CHKB: variants seen among roughly 807,000 people sequenced by gnomAD.
The protein encoded by CHKB is choline/ethanolamine kinase.
In CHKB, 45 loss-of-function variants were observed where a neutral mutation model predicts 57.3. The observed-to-expected ratio is 0.79, with a 90% CI of 0.62 to 1.01. The LOEUF (loss-of-function observed/expected upper bound fraction) is 1.01. Ranked by LOEUF, CHKB falls within the 50% of genes least tolerant of loss-of-function variation. The probability of loss-of-function intolerance (pLI) is 0.00; values close to 1 mark genes in which losing one functional copy is unlikely to be tolerated. For missense variants in CHKB, 517 were observed against 502.8 expected (o/e 1.03, Z -0.27); for synonymous variants, 224 against 201.8 (o/e 1.11, Z -0.93).
Position 50,581,790 on chromosome 22 carries a change from A to G in CHKB, c.406T>C (p.Tyr136His). 6.2e-7 allele frequency: 1 copy of G among 1,613,926 alleles called. No individual in the cohort carries two copies. Among genetic ancestry groups the G allele is most frequent in the Non-Finnish European group, 8.5e-7 (1 of 1,179,992 alleles). Residue 136 changes from tyrosine to histidine, a missense_variant, in exon 3 of 11, where the codon TAC (tyrosine) becomes CAC (histidine). Coordinates refer to ENST00000406938, the MANE Select transcript of CHKB (RefSeq NM_005198.5). ...AGCCGGCCCTCTGGGAAGACTCCGT[A>G]CAGCTGGGGCCCCAGCGACCGCTCC... The part of the protein sequence containing the change: ...LAERSLGPQL[Y>H]GVFPEGRLEQ...
chr22:50,580,635 G>A lies in CHKB; in HGVS notation c.607C>T (p.Pro203Ser). Residue 203 changes from proline to serine, a missense_variant, in exon 5 of 11, where the codon CCC becomes TCC. Coordinates refer to ENST00000406938, the MANE Select transcript of CHKB (RefSeq NM_005198.5). Reference protein sequence around the residue: ...ERYLKQIQDLPPTGLPEMNLL... With the variant: ...ERYLKQIQDLSPTGLPEMNLL... ...TTCATCTCAGGGAGGCCAGTTGGGG[G>A]CAGGTCCTGGATCTGTTTTAGGTAC... 1.9e-6 allele frequency: 3 copies of A among 1,614,050 alleles called. No individual in the cohort carries two copies. The highest frequency in any genetic ancestry group is 2.5e-6 in the Non-Finnish European group (3 of 1,180,016).
chr22:50,581,894 G>A, intron 2 of CHKB, 32 bp from the exon 3 acceptor site: 1 of 1,590,110 alleles, frequency 6.3e-7, no homozygotes, highest in South Asian at 1.1e-5. Context: ...AGGGGCCAAG[G>A]CAAAGTGGCA....
chr22:50,579,981 T>C lies in CHKB; in HGVS notation c.920A>G (p.Glu307Gly). The stretch of plus-strand genomic sequence containing the variant: ...AGCCTCTGGCCCACATACCTGCTGT[T>C]CTTGAGTGGGGTAGTCTGTGGGCCT... Reference protein sequence around the residue: ...KARPTDYPTQEQQLHFIRHYL... With the variant: ...KARPTDYPTQGQQLHFIRHYL... Residue 307 changes from glutamate to glycine, a missense_variant, in exon 8 of 11, where the codon GAA (glutamate) becomes GGA (glycine). Coordinates refer to ENST00000406938, the MANE Select transcript of CHKB (RefSeq NM_005198.5). The C allele has an allele frequency of 1.2e-6, 2 of 1,613,982 alleles. No individual in the cohort carries two copies. The highest frequency in any genetic ancestry group is 1.7e-6 in the Non-Finnish European group (2 of 1,179,914).
At chr22:50,581,600 TG>T in intron 3 of CHKB, 47 bp from the exon 4 acceptor site, 1 of 1,607,308 alleles carries the variant, frequency 6.2e-7, no homozygotes, top group Non-Finnish European at 8.5e-7. Flanking sequence ...GGGGCAGGAG[TG>T]GGAAGGGCTG....
chr22:50,582,153 G>C (rs1237239458), intron 2 of CHKB, 96 bp downstream of exon 2: 3 of 1,129,470 alleles, frequency 2.7e-6, no homozygotes, highest in Non-Finnish European at 3.9e-6. Context: ...CGTGAACCTC[G>C]GTGTCCTCAA....
At chr22:50,580,804 G>C (rs941477216) in intron 4 of CHKB, 144 bp from the exon 5 acceptor site, 1 of 790,734 alleles carries the variant, frequency 1.3e-6, no homozygotes, top group Admixed American at 2.0e-5. Context: ...TTTTGAAATG[G>C]AGTCTTGCTC....
rs761535800 is a variant in CHKB at position 50,581,758 on chromosome 22, C to G, written c.438G>C (p.Gln146His). The change falls in exon 3 of 11, where the codon CAG becomes CAC. Residue 146 changes from glutamine to histidine, a missense_variant. Physicochemically the swap from Gln to His is conservative, Grantham distance 24. Transcript: ENST00000406938. ...YGVFPEGRLE[Q>H]YIPSRPLKTQ... ...AGGACTGGGCCCGTACTGGGATGTA[C>G]TGTTCCAGCCGGCCCTCTGGGAAGA... 1 of 1,613,438 alleles carries G rather than the reference C, an allele frequency of 6.2e-7. No homozygotes were observed. The highest frequency in any genetic ancestry group is 8.5e-7 in the Non-Finnish European group (1 of 1,179,766).
In CHKB at chr22:50,582,696, G is replaced by T. The variant is rs768840882; in HGVS notation, c.86C>A (p.Pro29Gln). 1 of 1,610,334 alleles carries T rather than the reference G, an allele frequency of 6.2e-7. No individual in the cohort carries two copies. The highest frequency in any genetic ancestry group is 2.2e-5 in the East Asian group (1 of 44,782). Residue 29 changes from proline to glutamine, a missense_variant, in exon 1 of 11, where the codon CCG (proline) becomes CAG (glutamine). Coordinates refer to ENST00000406938, the MANE Select transcript of CHKB (RefSeq NM_005198.5). ...AKDGLQQSKC[P>Q]DTTPKRRRAS... ...GCGCCGCCGTTTTGGGGTAGTGTCCGGGCACTTAGACTGCTGCAAGCCGTC... is the reference window on the plus strand; with the variant it reads ...GCGCCGCCGTTTTGGGGTAGTGTCCTGGCACTTAGACTGCTGCAAGCCGTC...
Position 50,580,422 on chromosome 22 carries a change from G to T in CHKB, c.678-6C>A. The T allele has an allele frequency of 6.2e-7, 1 of 1,614,014 alleles. No individual in the cohort carries two copies. Among genetic ancestry groups the T allele is most frequent in the South Asian group, 1.1e-5 (1 of 91,074 alleles). ...GGGTAGACTCTAGTAACTTCCTACA[G>T]GGGTATGGGAGCATGGGTCCTGAGC... On this transcript the variant is annotated splice_polypyrimidine_tract_variant and splice_region_variant and intron_variant, in intron 5 of 10. Transcript: ENST00000406938.
In CHKB at chr22:50,580,573, G is replaced by C; in HGVS notation, c.669C>G (p.Gly223=). 3 of 1,614,058 alleles carry C rather than the reference G, an allele frequency of 1.9e-6. No homozygotes were observed. The highest frequency in any genetic ancestry group is 2.5e-6 in the Non-Finnish European group (3 of 1,180,010). The change falls in exon 5 of 11, where the codon GGC becomes GGG. Residue 223 remains glycine (G), a synonymous_variant. Transcript: ENST00000406938. ...LEMYSLKDEM[G]NLRKLLESTP... Reference sequence around the variant, plus strand: ...GTCCTGCCTGCCCTCACCTGAGGTTGCCCATCTCATCCTTCAGGCTGTACA... The same window carrying C: ...GTCCTGCCTGCCCTCACCTGAGGTTCCCCATCTCATCCTTCAGGCTGTACA...
intron 3 of CHKB, 39 bp from the exon 4 acceptor site, chr22:50,581,592 G>A (rs765924917): frequency 1.9e-6 from 3 of 1,613,500 alleles, no homozygotes; most frequent in East Asian, 4.5e-5. Flanking sequence ...ATGGGGCTGG[G>A]GCAGGAGTGG....
At chr22:50,580,931 T>C (rs1357911071) in intron 4 of CHKB, among the ~76,000 whole-genome samples, 1 of 151,942 alleles carries the variant, frequency 6.6e-6, no homozygotes, top group Non-Finnish European at 1.5e-5. Flanking sequence ...AGGTGCATGC[T>C]GCCATGCCTG....
intron 4 of CHKB, 122 bp downstream of exon 4, chr22:50,581,298 T>A (rs555713896): frequency 3.1e-4 from 404 of 1,320,814 alleles, no homozygotes; most frequent in Non-Finnish European, 4.0e-4. Context: ...AAAAGCCTGT[T>A]CTGTGACAGC....
In CHKB at chr22:50,578,984, T is replaced by C. The variant is rs2070605673; in HGVS notation, c.*197A>G. 3 of 630,830 alleles carry C rather than the reference T, an allele frequency of 4.8e-6. No individual in the cohort carries two copies. The Admixed American group carries it at 7.6e-5, about 16-fold the overall frequency. The allele number at this position is 630,830 out of a possible 1,614,324, so 39.1% of individuals were successfully genotyped here. A position where few individuals can be genotyped will look rare whatever the true frequency, so the allele number is the denominator to read the frequency against. ...AGGGTGGGAAGAAGAAGCTTGTTTA[T>C]TGTGTTACATACACAGCACGGGGCT... On this transcript the variant is annotated 3_prime_UTR_variant, in exon 11 of 11. Transcript: ENST00000406938.
intron 2 of CHKB, 43 bp from the exon 3 acceptor site, chr22:50,581,905 C>A (rs765468048): frequency 6.5e-7 from 1 of 1,547,834 alleles, no homozygotes; most frequent in Non-Finnish European, 8.9e-7. Context: ...CAAAGTGGCA[C>A]AGGGACACAC....
Position 50,582,675 on chromosome 22 carries a change from C to T in CHKB, c.107G>A (p.Arg36Gln), listed in dbSNP as rs1384438111. 6.2e-7 allele frequency: 1 copy of T among 1,610,674 alleles called. No homozygotes were observed. The highest frequency in any genetic ancestry group is 1.1e-5 in the South Asian group (1 of 90,932). ...GTCACGCGACAGCGACGAGGCGCGC[C>T]GCCGTTTTGGGGTAGTGTCCGGGCA... ...SKCPDTTPKR[R>Q]RASSLSRDAE... Residue 36 changes from arginine (R) to glutamine (Q), a missense_variant, in exon 1 of 11, where the codon CGG (arginine) becomes CAG (glutamine). Physicochemically the swap from Arg to Gln is conservative, Grantham distance 43. Transcript: ENST00000406938.
intron 3 of CHKB, 71 bp from the exon 4 acceptor site, chr22:50,581,624 G>T: frequency 6.2e-7 from 1 of 1,604,588 alleles, no homozygotes; most frequent in Non-Finnish European, 8.5e-7. Context: ...GCAATGAGGG[G>T]AAGTCAGGGT....
At position 50,580,385 on chromosome 22, in the gene CHKB, C is replaced by CGACTGGCGATGG; in HGVS notation, c.697_708dup (p.Pro233_Val236dup). 1.2e-6 allele frequency: 2 copies of CGACTGGCGATGG among 1,613,958 alleles called. No homozygotes were observed. The highest frequency in any genetic ancestry group is 1.7e-6 in the Non-Finnish European group (2 of 1,180,010). On this transcript the variant is annotated inframe_insertion, in exon 6 of 11. Transcript: ENST00000406938. The stretch of plus-strand genomic sequence containing the variant: ...TCCTGGATGTCATTGTGGCAGAAGA[C>CGACTGGCGATGG]GACTGGCGATGGGGTAGACTCTAGT...
chr22:50,579,749 C>T lies in CHKB; in HGVS notation c.1009G>A (p.Asp337Asn), dbSNP rs2070638257. Residue 337 changes from aspartate (D) to asparagine (N), a missense_variant, in exon 9 of 11, where the codon GAT becomes AAT. Coordinates refer to ENST00000406938, the MANE Select transcript of CHKB (RefSeq NM_005198.5). ...SQEEQRKLEE[D>N]LLVEVSRYAL... is the part of the protein sequence containing the mutation. Reference sequence around the variant, plus strand: ...CACCGACTGACTTCTACCAGCAAATCTTCTTCCAGTTTTCTCTGCTCCTCT... The same window carrying T: ...CACCGACTGACTTCTACCAGCAAATTTTCTTCCAGTTTTCTCTGCTCCTCT... 1.9e-6 allele frequency: 3 copies of T among 1,613,904 alleles called. No homozygotes were observed. Among genetic ancestry groups the T allele is most frequent in the Admixed American group, 1.7e-5 (1 of 60,002 alleles).
Sources: allele counts gnomAD v4.1 joint callset (sites outside exome capture counted in the v4.1 genomes callset), GRCh38; gene constraint gnomAD v4.1.1; transcripts MANE v1.5; gene names NCBI Gene and HGNC (gene_info 2026-07-23, HGNC 2026-07-21).